The following PCDHGA2 variants were observed in gnomAD, a reference collection of about 807,000 sequenced individuals.
PCDHGA2 encodes protocadherin gamma subfamily A, 2.
PCDHGA2 carries 40 observed loss-of-function variants against 59.2 expected under a neutral mutation model. That is an observed-to-expected ratio of 0.68 (90% CI 0.52 to 0.88). The LOEUF (loss-of-function observed/expected upper bound fraction) is 0.88, where lower values mean the gene tolerates loss of function less well. Ranked by LOEUF, PCDHGA2 falls within the 40% of genes least tolerant of loss-of-function variation. The pLI is 0.00. For missense variants in PCDHGA2, 1,226 were observed against 1,204.0 expected (o/e 1.02, Z -0.27); for synonymous variants, 560 against 526.0 (o/e 1.06, Z -0.89).
intron 1 of PCDHGA2, among the ~76,000 whole-genome samples, chr5:141,448,784 C>CAA (rs576464275): frequency 4.8e-5 from 7 of 145,806 alleles, no homozygotes; most frequent in East Asian, 2.0e-4. Context: ...ACTAAAAATA[C>CAA]AAAAAAAAAA....
At chr5:141,366,570 G>A (rs373636717) in intron 1 of PCDHGA2, 2 of 1,614,218 alleles carry the variant, frequency 1.2e-6, no homozygotes, top group Non-Finnish European at 1.7e-6. Context: ...GATGGGGTTC[G>A]GGCTTTCCTG....
intron 1 of PCDHGA2, chr5:141,422,145 G>A: frequency 1.3e-6 from 2 of 1,580,726 alleles, no homozygotes; most frequent in Non-Finnish European, 8.6e-7. Context: ...AAGTACGGGG[G>A]TCTCTGGATT....
intron 1 of PCDHGA2, among the ~76,000 whole-genome samples, chr5:141,466,757 T>G (rs1486124876): frequency 6.6e-6 from 1 of 152,224 alleles, no homozygotes; most frequent in Non-Finnish European, 1.5e-5. Context: ...AGGGGCTCTT[T>G]TCAAACTGTT....
intron 1 of PCDHGA2, chr5:141,416,261 A>G (rs2096009073): frequency 6.6e-6 from 1 of 152,294 alleles, no homozygotes; most frequent in Non-Finnish European, 1.5e-5. Flanking sequence ...ACACTGCAGT[A>G]TCCTTTTTGC....
At position 141,486,112 on chromosome 5, in the gene PCDHGA2, G is replaced by A; in HGVS notation, c.2425-8695G>A. ...TGGGGCCCCTAGACTTTGAGAGTGA[G>A]AATTACTATGAATTTGATGTGCGGG... On this transcript the variant is annotated intron_variant, in intron 1 of 3. Transcript: ENST00000394576. This position sits in a 1 kb window ranked among gnomAD's most constrained non-coding sequence, Gnocchi z 5.0. 1 of 1,614,166 alleles carries A rather than the reference G, an allele frequency of 6.2e-7. No homozygotes were observed. Among genetic ancestry groups the A allele is most frequent in the Non-Finnish European group, 8.5e-7 (1 of 1,180,024 alleles).
At chr5:141,372,292 G>T in intron 1 of PCDHGA2, 1 of 1,613,282 alleles carries the variant, frequency 6.2e-7, no homozygotes, top group Non-Finnish European at 8.5e-7. Context: ...CGTACCTTGG[G>T]CGACAGGGAG....
chr5:141,394,120 C>G, intron 1 of PCDHGA2: 3 of 1,613,954 alleles, frequency 1.9e-6, no homozygotes, highest in Non-Finnish European at 1.7e-6. Context: ...TCCACTGAAA[C>G]TCAAATCGCT....
chr5:141,421,379 AGGACCTGGGGCT>A, intron 1 of PCDHGA2: 1 of 1,614,054 alleles, frequency 6.2e-7, no homozygotes, highest in South Asian at 1.1e-5. Context: ...AATATCTCCA[AGGACCTGGGGCT>A]GGAGCCCCGG....
rs1765306389 is a variant in PCDHGA2 at position 141,367,734 on chromosome 5, C to G, written c.2424+26339C>G. On this transcript the variant is annotated intron_variant, in intron 1 of 3. Transcript: ENST00000394576. The stretch of plus-strand genomic sequence containing the variant: ...TTGGGCTTCGTTCTGTGATGTAAAG[C>G]CTCCAGAGAGTTACATACTGCTGCA... 3 of 152,132 alleles carry G rather than the reference C, an allele frequency of 2.0e-5. No homozygotes were observed. In the South Asian group the frequency reaches 6.2e-4, roughly 32 times the overall value. The allele number at this position is 152,132 out of a possible 1,614,324, so 9.4% of individuals were successfully genotyped here. A position where few individuals can be genotyped will look rare whatever the true frequency, so the allele number is the denominator to read the frequency against.
At chr5:141,473,919 A>G (rs2099331297) in intron 1 of PCDHGA2, among the ~76,000 whole-genome samples, 1 of 152,172 alleles carries the variant, frequency 6.6e-6, no homozygotes, top group African/African-American at 2.4e-5. Flanking sequence ...TAAGAAAACT[A>G]TGAGCTGGGT....
chr5:141,384,903 C>T (rs1780641689), intron 1 of PCDHGA2: 1 of 1,613,992 alleles, frequency 6.2e-7, no homozygotes. Context: ...CTGACAGCAT[C>T]CCCGAAGTCT....
chr5:141,344,848 G>A, intron 1 of PCDHGA2: 1 of 1,613,954 alleles, frequency 6.2e-7, no homozygotes, highest in South Asian at 1.1e-5. Context: ...CCTGACGAGG[G>A]ATTCAATGCT....
At chr5:141,361,720 G>C in intron 1 of PCDHGA2, 8 of 1,613,318 alleles carry the variant, frequency 5.0e-6, no homozygotes, top group Non-Finnish European at 5.9e-6. Flanking sequence ...GCGCGCCTTC[G>C]AGCTCACACT....
chr5:141,408,717 T>C lies in PCDHGA2; in HGVS notation c.2424+67322T>C, dbSNP rs774691298. ...ATAAACTCAATTAAAGATTATAAGA[T>C]AAACTCTAATCCTTATTTTTCATTA... is the stretch of plus-strand genomic sequence containing the variant. On this transcript the variant is annotated intron_variant, in intron 1 of 3. Transcript: ENST00000394576. The C allele has an allele frequency of 1.9e-6, 3 of 1,611,662 alleles. No individual in the cohort carries two copies. In the South Asian group the frequency reaches 3.3e-5, roughly 18 times the overall value.
At chr5:141,450,445 T>C (rs1490338949) in intron 1 of PCDHGA2, among the ~76,000 whole-genome samples, 1 of 152,168 alleles carries the variant, frequency 6.6e-6, no homozygotes, top group East Asian at 1.9e-4. Context: ...ATTTGTTTTA[T>C]GTTTCCTCGT....
At chr5:141,359,042 C>T (rs1351620188) in intron 1 of PCDHGA2, among the ~76,000 whole-genome samples, 1 of 152,190 alleles carries the variant, frequency 6.6e-6, no homozygotes, top group Admixed American at 6.5e-5. Flanking sequence ...TAGTGATAGA[C>T]TGTGGAATAT....
At chr5:141,488,213 C>T (rs1261280988) in intron 1 of PCDHGA2, among the ~76,000 whole-genome samples, 1 of 152,118 alleles carries the variant, frequency 6.6e-6, no homozygotes, top group Non-Finnish European at 1.5e-5. Context: ...CATATCAAGT[C>T]CCTACTGGGG....
At position 141,491,894 on chromosome 5, in the gene PCDHGA2, C is replaced by T. The variant is rs1209251388; in HGVS notation, c.2425-2913C>T. The T allele has an allele frequency of 1.5e-5, 22 of 1,434,752 alleles. No individual in the cohort carries two copies. Among genetic ancestry groups the T allele is most frequent in the Admixed American group, 2.9e-5 (1 of 34,278 alleles). 88.9% of individuals were successfully genotyped at this position (1,434,752 alleles called of 1,614,324 possible). The stretch of plus-strand genomic sequence containing the variant: ...GCCGATTAAGGGATGGGGCTCCGAG[C>T]ACCGGGGGTGGTGGCGACTGTGGGC... On this transcript the variant is annotated intron_variant, in intron 1 of 3. Transcript: ENST00000394576. The surrounding 1 kb of genome is among the most constrained non-coding windows in gnomAD (Gnocchi z 6.9).
intron 1 of PCDHGA2, chr5:141,361,375 G>A (rs267600451): frequency 1.4e-5 from 23 of 1,613,956 alleles, no homozygotes; most frequent in South Asian, 1.3e-4. Context: ...GGACCGGGAG[G>A]AGATCCCAGA....
Sources: gnomAD v4.1 joint callset for allele counts (sites outside exome capture counted in the v4.1 genomes callset) on GRCh38, gnomAD v4.1.1 for gene constraint, Gnocchi (gnomAD v3.1) non-coding constraint, MANE v1.5 for transcripts, NCBI Gene and HGNC (gene_info 2026-07-23, HGNC 2026-07-21) for gene names.